ZNF75D: variants seen among roughly 807,000 people sequenced by gnomAD.
The protein encoded by ZNF75D is zinc finger protein 75.
In ZNF75D, 33 loss-of-function variants were observed where a neutral mutation model predicts 33.3. That is an observed-to-expected ratio of 0.99 (90% CI 0.75 to 1.32). The LOEUF (loss-of-function observed/expected upper bound fraction) is 1.32, where lower values mean the gene tolerates loss of function less well. ZNF75D is among the 40% of genes most tolerant of loss of function. The pLI is 0.00. For missense variants in ZNF75D, 338 were observed against 367.5 expected, an observed-to-expected ratio of 0.92 and a Z score of 0.66; for synonymous variants, 113 against 130.6, an observed-to-expected ratio of 0.87 and a Z score of 0.92.
At chrX:135,334,162 A>ATT (rs782730747) in intron 1 of ZNF75D, among the ~76,000 whole-genome samples, 1 of 112,038 alleles carries the variant, frequency 8.9e-6, no homozygotes, top group South Asian at 3.7e-4. Flanking sequence ...CCCAATTGCT[A>ATT]TTTTGGCGGA....
chrX:135,317,762 G>A (rs1450350275), intron 1 of ZNF75D, among the ~76,000 whole-genome samples: 1 of 111,277 alleles, frequency 9.0e-6, no homozygotes, highest in African/African-American at 3.3e-5. Flanking sequence ...TGGACTATGT[G>A]CTCTGTCTGA....
Position 135,342,173 on chromosome X carries a change from T to C in ZNF75D, c.-796A>G, listed in dbSNP as rs1257164815. The C allele has an allele frequency of 8.9e-6, 1 of 112,147 alleles. No individual in the cohort carries two copies. Among genetic ancestry groups the C allele is most frequent in the Non-Finnish European group, 1.9e-5 (1 of 53,226 alleles). The allele number at this position is 112,147 out of a possible 1,213,427, so 9.2% of individuals were successfully genotyped here. A position where few individuals can be genotyped will look rare whatever the true frequency, so the allele number is the denominator to read the frequency against. On this transcript the variant is annotated 5_prime_UTR_variant, in exon 1 of 7. Coordinates refer to ENST00000370766, the MANE Select transcript of ZNF75D (RefSeq NM_007131.5). Reference sequence around the variant, plus strand: ...GACCTAGTGAACAAGAAGTAGCAACTACTCTACACTTCAGGGCTCCTCTAA... The same window carrying C: ...GACCTAGTGAACAAGAAGTAGCAACCACTCTACACTTCAGGGCTCCTCTAA...
chrX:135,294,149 G>A lies in ZNF75D; in HGVS notation c.-9C>T, dbSNP rs782566645. 8 of 1,175,259 alleles carry A rather than the reference G, an allele frequency of 6.8e-6. No individual in the cohort carries two copies. Among genetic ancestry groups the A allele is most frequent in the African/African-American group, 3.6e-5 (2 of 55,759 alleles). ...AGCTCTCTCATCGCCATTTGCTCTA[G>A]GAACAGTTTTACTCTTGTATGTGAC... On this transcript the variant is annotated 5_prime_UTR_variant, in exon 3 of 7. Transcript: ENST00000370766.
At chrX:135,310,261 A>G (rs2084343880) in intron 1 of ZNF75D, among the ~76,000 whole-genome samples, 2 of 111,835 alleles carry the variant, frequency 1.8e-5, no homozygotes, top group African/African-American at 6.5e-5. Context: ...GCCACAGCCA[A>G]TCAAAGATAA....
At chrX:135,318,259 A>G (rs2084448584) in intron 1 of ZNF75D, among the ~76,000 whole-genome samples, 1 of 108,700 alleles carries the variant, frequency 9.2e-6, no homozygotes, top group South Asian at 4.0e-4. Context: ...TGCCTCTGGG[A>G]TTTTACACAG....
Position 135,295,202 on chromosome X carries a change from A to C in ZNF75D, c.-119+566T>G, listed in dbSNP as rs1556422501. Among the ~76,000 whole-genome samples, 3 of 112,079 alleles carry C rather than the reference A, an allele frequency of 2.7e-5. No individual in the cohort carries two copies. The South Asian group carries it at 1.1e-3, about 42-fold the overall frequency. On this transcript the variant is annotated intron_variant, in intron 2 of 6. Coordinates refer to ENST00000370766, the MANE Select transcript of ZNF75D (RefSeq NM_007131.5). Reference sequence around the variant, plus strand: ...TCAAGGATGCCACAGGTATTCAAAAAAATGGTTGGCTCCTTGCTGACCATT... The same window carrying C: ...TCAAGGATGCCACAGGTATTCAAAACAATGGTTGGCTCCTTGCTGACCATT...
downstream of ZNF75D, among the ~76,000 whole-genome samples, chrX:135,282,115 G>T (rs545501017): frequency 5.3e-5 from 6 of 112,420 alleles, no homozygotes; most frequent in South Asian, 2.2e-3. Context: ...CAGGTGCTCT[G>T]TCCCAGGGAG....
At chrX:135,333,960 A>G in intron 1 of ZNF75D, among the ~76,000 whole-genome samples, 1 of 111,941 alleles carries the variant, frequency 8.9e-6, no homozygotes, top group East Asian at 2.8e-4. Context: ...ATGAAGCAGC[A>G]AACTAAAATT....
intron 1 of ZNF75D, among the ~76,000 whole-genome samples, chrX:135,340,481 G>A (rs1347884665): frequency 8.9e-6 from 1 of 112,335 alleles, no homozygotes; most frequent in Non-Finnish European, 1.9e-5. Context: ...GTTGATGCCA[G>A]TGCCCCTGAA....
chrX:135,287,451 C>T lies in ZNF75D; in HGVS notation c.1219G>A (p.Asp407Asn). The change falls in exon 7 of 7, where the codon GAT becomes AAT. Residue 407 changes from aspartate (D) to asparagine (N), a missense_variant. This residue lies in a region of ZNF75D where 79 missense variants were observed against 80.1 expected (regional missense o/e 0.99). Coordinates refer to ENST00000370766, the MANE Select transcript of ZNF75D (RefSeq NM_007131.5). ...TGGGTCATGAAGTGCTTATTAAGAT[C>T]TGAACTCCATCTAAACCTCCTGTCA... ...QCDRRFRWSSDLNKHFMTHQG... is the reference protein window; with the variant it reads ...QCDRRFRWSSNLNKHFMTHQG... 2.5e-6 allele frequency: 3 copies of T among 1,211,517 alleles called. No homozygotes were observed. The highest frequency in any genetic ancestry group is 3.4e-6 in the Non-Finnish European group (3 of 895,367).
intron 1 of ZNF75D, among the ~76,000 whole-genome samples, chrX:135,278,686 T>A (rs1238408413): frequency 9.0e-6 from 1 of 111,387 alleles, no homozygotes; most frequent in Non-Finnish European, 1.9e-5. Context: ...TTATTGAGAC[T>A]TTTTAGCACA....
chrX:135,278,425 A>G (rs2148464098), intron 1 of ZNF75D, among the ~76,000 whole-genome samples: 1 of 112,015 alleles, frequency 8.9e-6, no homozygotes, highest in East Asian at 2.8e-4. Flanking sequence ...CAATCATATC[A>G]TCTGCAAACA....
intron 1 of ZNF75D, among the ~76,000 whole-genome samples, chrX:135,311,694 TC>T (rs34846164): frequency 6.3e-4 from 70 of 111,859 alleles, no homozygotes; most frequent in Admixed American, 2.7e-3. Context: ...GACCAACATC[TC>T]CCCTCACTGT....
At position 135,257,521 on chromosome X, in the gene ZNF75D, C is replaced by G. The variant is rs148631394; in HGVS notation, n.828-1744G>C. On this transcript the variant is annotated intron_variant and non_coding_transcript_variant, in intron 1 of 3. Transcript: ENST00000494295. ...GTCGAACAAAACAAAAGGTAAATTG[C>G]GAAGGTATTTTACTCTAATCCCTGG... 2.3e-3 allele frequency among the ~76,000 whole-genome samples: 255 copies of G among 113,229 alleles called. 1 individual carries two copies. The highest frequency in any genetic ancestry group is 7.3e-3 in the African/African-American group (229 of 31,256).
intron 1 of ZNF75D, among the ~76,000 whole-genome samples, chrX:135,262,039 C>G (rs934658656): frequency 1.8e-5 from 2 of 111,575 alleles, no homozygotes; most frequent in Non-Finnish European, 3.8e-5. Context: ...TTTTATTTCT[C>G]CTTCACTTAT....
downstream of ZNF75D, among the ~76,000 whole-genome samples, chrX:135,282,032 G>A (rs782687942): frequency 4.4e-5 from 5 of 112,596 alleles, no homozygotes; most frequent in Admixed American, 1.9e-4. Flanking sequence ...TGTGAGATCC[G>A]TTGCTCTCTT....
chrX:135,319,403 T>A (rs1180756383), intron 1 of ZNF75D, among the ~76,000 whole-genome samples: 1 of 112,266 alleles, frequency 8.9e-6, no homozygotes. Flanking sequence ...TTCTGCAATG[T>A]GCTTTATCAA....
At chrX:135,266,784 T>G (rs2083864500) in intron 1 of ZNF75D, among the ~76,000 whole-genome samples, 1 of 112,018 alleles carries the variant, frequency 8.9e-6, no homozygotes, top group African/African-American at 3.2e-5. Context: ...ATGGACTTAA[T>G]AGATATTTAC....
At chrX:135,325,800 C>T (rs940344250) in intron 1 of ZNF75D, among the ~76,000 whole-genome samples, 2 of 112,643 alleles carry the variant, frequency 1.8e-5, no homozygotes, top group African/African-American at 6.4e-5. Context: ...TGCTCCACGG[C>T]GCCCAGTCCC....
Sources: gnomAD v4.1 joint callset for allele counts (sites outside exome capture counted in the v4.1 genomes callset) on GRCh38, gnomAD v4.1.1 for gene constraint, gnomAD v4.1.1 regional missense constraint, MANE v1.5 for transcripts, NCBI Gene and HGNC (gene_info 2026-07-23, HGNC 2026-07-21) for gene names.